PIP5K1B: variants seen among roughly 807,000 people sequenced by gnomAD.
PIP5K1B encodes phosphatidylinositol-4-phosphate 5-kinase type 1 beta.
A neutral mutation model predicts 67.0 loss-of-function variants in PIP5K1B; 42 were observed. The ratio of observed to expected loss-of-function variants is 0.63; its 90% confidence interval spans 0.49 to 0.81. The LOEUF (loss-of-function observed/expected upper bound fraction) is 0.81. Ranked by LOEUF, PIP5K1B falls within the 30% of genes least tolerant of loss-of-function variation. The pLI is 0.00. For synonymous variants in PIP5K1B, 214 were observed against 231.4 expected (o/e 0.92, Z 0.68); for missense variants, 459 against 646.3 (o/e 0.71, Z 3.14).
At chr9:68,776,028 TAA>T (rs1222077552) in intron 2 of PIP5K1B, among the ~76,000 whole-genome samples, 3 of 152,204 alleles carry the variant, frequency 2.0e-5, no homozygotes, top group Non-Finnish European at 4.4e-5. Flanking sequence ...TCGTGGGCTA[TAA>T]ATATATTTTC....
intron 1 of PIP5K1B, among the ~76,000 whole-genome samples, chr9:68,718,966 T>C (rs1827756690): frequency 6.6e-6 from 1 of 152,132 alleles, no homozygotes. Flanking sequence ...CCAGATAGAG[T>C]CATATTATCC....
chr9:68,915,741 T>A (rs144262654), intron 8 of PIP5K1B, among the ~76,000 whole-genome samples: 3 of 152,352 alleles, frequency 2.0e-5, no homozygotes, highest in Admixed American at 6.5e-5. Flanking sequence ...AGTGATAAGA[T>A]TCTACTCTGA....
chr9:68,986,156 CCAAA>C (rs1370007853), intron 14 of PIP5K1B, among the ~76,000 whole-genome samples: 2 of 152,162 alleles, frequency 1.3e-5, no homozygotes, highest in East Asian at 1.9e-4. Flanking sequence ...TGAGGACAGA[CCAAA>C]CAGTTTTCTG....
At chr9:69,004,166 T>C (rs1830952440) in intron 15 of PIP5K1B, among the ~76,000 whole-genome samples, 1 of 152,208 alleles carries the variant, frequency 6.6e-6, no homozygotes, top group Non-Finnish European at 1.5e-5. Context: ...ATGTGTGGGA[T>C]GAATAACACT....
rs370248305 is a variant in PIP5K1B at position 68,978,886 on chromosome 9, G to A, written c.1503-12254G>A. 7.9e-4 allele frequency among the ~76,000 whole-genome samples: 120 copies of A among 152,150 alleles called. 1 individual carries two copies. Among genetic ancestry groups the A allele is most frequent in the Middle Eastern group, 6.8e-3 (2 of 294 alleles). On this transcript the variant is annotated intron_variant, in intron 14 of 15. Transcript: ENST00000265382. ...GTGACCCGAAGGGCTTTTCTCCTTC[G>A]TTTTTTCCTGGAAGCTTTCTACGTT...
chr9:68,806,147 G>A (rs1265211710), intron 2 of PIP5K1B, among the ~76,000 whole-genome samples: 3 of 152,230 alleles, frequency 2.0e-5, no homozygotes, highest in Admixed American at 6.5e-5. Flanking sequence ...CCTAGTTCAA[G>A]TGTCCCTCCT....
chr9:68,887,640 T>C (rs1466764272), intron 6 of PIP5K1B, among the ~76,000 whole-genome samples: 1 of 152,142 alleles, frequency 6.6e-6, no homozygotes, highest in Non-Finnish European at 1.5e-5. Context: ...AGTTTCCTGG[T>C]GAATGTACTA....
chr9:69,002,438 G>A (rs1321563034), intron 15 of PIP5K1B, among the ~76,000 whole-genome samples: 2 of 152,152 alleles, frequency 1.3e-5, no homozygotes, highest in African/African-American at 2.4e-5. Context: ...TCCTGATTCT[G>A]CAGCACTAGC....
chr9:68,780,236 T>A, intron 2 of PIP5K1B: 1 of 1,542,572 alleles, frequency 6.5e-7, no homozygotes, highest in Non-Finnish European at 8.7e-7. Context: ...CGGAGGGCGG[T>A]GGCAGCGGCG....
chr9:68,784,434 T>TG, intron 2 of PIP5K1B: 1 of 167,116 alleles, frequency 6.0e-6, no homozygotes, highest in South Asian at 2.1e-4. Flanking sequence ...CCAAGGCTGC[T>TG]GGATGTTAGG....
At chr9:68,962,076 G>A (rs991091339) in intron 14 of PIP5K1B, among the ~76,000 whole-genome samples, 1 of 152,174 alleles carries the variant, frequency 6.6e-6, no homozygotes, top group African/African-American at 2.4e-5. Flanking sequence ...TAGAAAAGAA[G>A]CAAAGTGGGA....
At chr9:68,837,384 G>A (rs1834669409) in intron 4 of PIP5K1B, among the ~76,000 whole-genome samples, 1 of 152,134 alleles carries the variant, frequency 6.6e-6, no homozygotes, top group Non-Finnish European at 1.5e-5. Context: ...CTTTAAAAAT[G>A]TTTTAACAGC....
At chr9:68,737,203 T>C (rs193046051) in intron 1 of PIP5K1B, among the ~76,000 whole-genome samples, 1 of 152,362 alleles carries the variant, frequency 6.6e-6, no homozygotes, top group African/African-American at 2.4e-5. Flanking sequence ...ATTAAAGGTG[T>C]GTTTCCAGTT....
At chr9:68,985,106 G>T (rs563014165) in intron 14 of PIP5K1B, among the ~76,000 whole-genome samples, 1 of 152,172 alleles carries the variant, frequency 6.6e-6, no homozygotes, top group African/African-American at 2.4e-5. Flanking sequence ...GGACATGCTC[G>T]GTCTAAGGAA....
At chr9:68,793,722 T>C (rs1171996675) in intron 2 of PIP5K1B, among the ~76,000 whole-genome samples, 2 of 152,104 alleles carry the variant, frequency 1.3e-5, no homozygotes, top group East Asian at 3.9e-4. Context: ...TAAGCAATCT[T>C]TATTAGACAT....
chr9:68,870,505 C>T (rs994364246), intron 5 of PIP5K1B, among the ~76,000 whole-genome samples: 8 of 152,196 alleles, frequency 5.3e-5, no homozygotes, highest in Non-Finnish European at 1.0e-4. Flanking sequence ...GTCTCTCTCT[C>T]TCTAGTTACG....
intron 8 of PIP5K1B, among the ~76,000 whole-genome samples, chr9:68,900,534 A>T (rs1825306722): frequency 6.6e-6 from 1 of 152,190 alleles, no homozygotes; most frequent in Non-Finnish European, 1.5e-5. Flanking sequence ...AATTTGATAA[A>T]TTTTTATATG....
intron 15 of PIP5K1B, among the ~76,000 whole-genome samples, chr9:69,004,346 TG>T (rs1830970314): frequency 7.3e-6 from 1 of 136,396 alleles, no homozygotes; most frequent in South Asian, 2.4e-4. Flanking sequence ...TTTGTGTGTG[TG>T]TGTGTGTGTG....
rs371476943 is a variant in PIP5K1B, at chr9:68,847,687, T to TG, written c.70-16149dup. Among the ~76,000 whole-genome samples, 774 of 152,254 alleles carry TG rather than the reference T, an allele frequency of 5.1e-3. 9 individuals carry two copies. The highest frequency in any genetic ancestry group is 0.018 in the African/African-American group (743 of 41,528). On this transcript the variant is annotated intron_variant, in intron 4 of 15. Coordinates refer to ENST00000265382, the MANE Select transcript of PIP5K1B (RefSeq NM_003558.4). ...ATTAGTGCCCATGTGTCTGTGCACC[T>TG]GACATGGCAGAGGGCTGTGATATGC...
Sources: allele counts gnomAD v4.1 joint callset (sites outside exome capture counted in the v4.1 genomes callset), GRCh38; gene constraint gnomAD v4.1.1; transcripts MANE v1.5; gene names NCBI Gene and HGNC (gene_info 2026-07-23, HGNC 2026-07-21).